Variants in ZBTB46 observed in about 807,000 individuals in gnomAD.
The protein encoded by ZBTB46 is zinc finger and BTB domain containing 46, also known as zinc finger and BTB domain-containing protein 46.
In ZBTB46, 8 loss-of-function variants were observed where a neutral mutation model predicts 44.1. The ratio of observed to expected loss-of-function variants is 0.18; its 90% CI spans 0.11 to 0.33. The LOEUF (loss-of-function observed/expected upper bound fraction) is 0.33, where lower values mean the gene tolerates loss of function less well. Among genes scored for constraint, ZBTB46 ranks in the 10% least tolerant of loss-of-function variants. The pLI, the probability that ZBTB46 is intolerant of heterozygous loss-of-function variation, is 1.00. For missense variants in ZBTB46, 651 were observed against 847.7 expected (o/e 0.77, Z 2.88); for synonymous variants, 409 against 382.3 (o/e 1.07, Z -0.81).
intron 3 of ZBTB46, among the ~76,000 whole-genome samples, chr20:63,757,464 G>A (rs1304234369): frequency 6.6e-6 from 1 of 152,082 alleles, no homozygotes; most frequent in Non-Finnish European, 1.5e-5. Flanking sequence ...CAGTCACTCA[G>A]CACCATATCT....
rs141434970 is a variant in ZBTB46 at position 63,752,746 on chromosome 20, G to A, written c.1338C>T (p.Tyr446=). The A allele has an allele frequency of 1.1e-5, 17 of 1,611,680 alleles. No individual in the cohort carries two copies. Among genetic ancestry groups the A allele is most frequent in the South Asian group, 4.4e-5 (4 of 91,068 alleles). The change falls in exon 4 of 5, where the codon TAC becomes TAT. Residue 446 remains tyrosine (Y), a synonymous_variant. Transcript: ENST00000245663. The surrounding 1 kb of genome is among the most constrained non-coding windows in gnomAD (Gnocchi z 5.6). The part of the protein sequence containing the change: ...HMRSHTGERP[Y]PCEICGKKFT... The stretch of plus-strand genomic sequence containing the variant: ...ACTTCTTCCCGCAGATCTCGCAGGG[G>A]TAGGGCCGCTCTCCCGTGTGCGAGC...
chr20:63,801,743 A>G, intron 1 of ZBTB46, among the ~76,000 whole-genome samples: 1 of 152,096 alleles, frequency 6.6e-6, no homozygotes, highest in Non-Finnish European at 1.5e-5. Context: ...CGCCGCCTTT[A>G]AGAACTGTAA....
In ZBTB46 at chr20:63,746,798, G is replaced by A. The variant is rs1439324441; in HGVS notation, c.*132C>T. ...CCCGCAGGGCTGGTTTCCGTGGGGG[G>A]TGGGTTCAGGGGGAAGCAGAGGAGG... is the stretch of plus-strand genomic sequence containing the variant. On this transcript the variant is annotated 3_prime_UTR_variant, in exon 5 of 5. Transcript: ENST00000245663. The A allele has an allele frequency of 2.2e-6, 3 of 1,342,582 alleles. No individual in the cohort carries two copies. Among genetic ancestry groups the A allele is most frequent in the African/African-American group, 3.0e-5 (2 of 65,808 alleles). The allele number at this position is 1,342,582 out of a possible 1,614,324, so 83.2% of individuals were successfully genotyped here. A position where few individuals can be genotyped will look rare whatever the true frequency, so the allele number is the denominator to read the frequency against.
At chr20:63,819,163 A>G (rs866087277) in intron 1 of ZBTB46, among the ~76,000 whole-genome samples, 18 of 152,186 alleles carry the variant, frequency 1.2e-4, no homozygotes, top group Non-Finnish European at 2.6e-4. Context: ...ACAGAGTGAG[A>G]CTCTGTCTGA....
At chr20:63,778,270 TCC>T (rs1351610207) in intron 2 of ZBTB46, among the ~76,000 whole-genome samples, 1 of 152,224 alleles carries the variant, frequency 6.6e-6, no homozygotes, top group Non-Finnish European at 1.5e-5. Context: ...AACGGATTCC[TCC>T]GAGTGTCAGC....
rs2092089076 is a variant in ZBTB46, at chr20:63,746,347, T to TA, written c.*582dup. 6.5e-6 allele frequency: 1 copy of TA among 152,906 alleles called. No homozygotes were observed. Among genetic ancestry groups the TA allele is most frequent in the African/African-American group, 2.4e-5 (1 of 41,450 alleles). The allele number at this position is 152,906 out of a possible 1,614,324, so 9.5% of individuals were successfully genotyped here. ...CAGGGTCTGCAGCTGTGTTGTGTGTTAAGCACCAAAGCCCAGAGGTAAGAC... is the reference window on the plus strand; with the variant it reads ...CAGGGTCTGCAGCTGTGTTGTGTGTTAAAGCACCAAAGCCCAGAGGTAAGAC... On this transcript the variant is annotated 3_prime_UTR_variant, in exon 5 of 5. Coordinates refer to ENST00000245663, the MANE Select transcript of ZBTB46 (RefSeq NM_001369741.1).
rs969480808 is a variant in ZBTB46 at position 63,768,261 on chromosome 20, C to T, written c.1222+7417G>A. The T allele has an allele frequency of 1.3e-5, 7 of 545,330 alleles. No homozygotes were observed. In the African/African-American group the frequency reaches 1.4e-4, roughly 11 times the overall value. 33.8% of individuals were successfully genotyped at this position (545,330 alleles called of 1,614,324 possible). On this transcript the variant is annotated intron_variant, in intron 3 of 4. Coordinates refer to ENST00000245663, the MANE Select transcript of ZBTB46 (RefSeq NM_001369741.1). ...TGGGAATAGCAATTAATTTCAAAAT[C>T]CAAAATGTGTGGTTAAGGCTGGGCA...
chr20:63,812,259 C>T (rs1318725798), intron 1 of ZBTB46, among the ~76,000 whole-genome samples: 1 of 152,232 alleles, frequency 6.6e-6, no homozygotes, highest in East Asian at 1.9e-4. Context: ...CCTGTGATCC[C>T]AGCACTTTGG....
chr20:63,800,895 T>C (rs1171667681), intron 1 of ZBTB46, among the ~76,000 whole-genome samples: 1 of 152,220 alleles, frequency 6.6e-6, no homozygotes, highest in Non-Finnish European at 1.5e-5. Flanking sequence ...TCCCATCAAC[T>C]GCCCAAGGGC....
intron 3 of ZBTB46, among the ~76,000 whole-genome samples, chr20:63,759,892 G>C (rs1209844147): frequency 6.6e-6 from 1 of 152,146 alleles, no homozygotes; most frequent in Admixed American, 6.5e-5. Context: ...ATTTATTGAG[G>C]TGATATAGCG....
rs1226406776 is a variant in ZBTB46 at position 63,789,902 on chromosome 20, C to T, written c.856G>A (p.Val286Met). The change falls in exon 2 of 5, where the codon GTG (valine) becomes ATG (methionine). Residue 286 changes from valine (V) to methionine (M), a missense_variant. Val to Met is a conservative substitution (Grantham distance 21). Coordinates refer to ENST00000245663, the MANE Select transcript of ZBTB46 (RefSeq NM_001369741.1). ...KETVRHITQQ[V>M]EDDSRASSPV... ...GAGCTGGCCCGGCTGTCATCTTCCA[C>T]CTGCTGTGTGATGTGCCGGACGGTC... is the stretch of plus-strand genomic sequence containing the variant. 1.2e-6 allele frequency: 2 copies of T among 1,613,902 alleles called. No individual in the cohort carries two copies. The highest frequency in any genetic ancestry group is 2.7e-5 in the African/African-American group (2 of 74,944).
At chr20:63,831,414 C>T (rs1401888136), upstream of ZBTB46, among the ~76,000 whole-genome samples, 1 of 143,120 alleles carries the variant, frequency 7.0e-6, no homozygotes, top group Non-Finnish European at 1.5e-5. Context: ...CGGGCCCCGC[C>T]CACGCCGGCC....
chr20:63,804,914 C>T (rs898772357), intron 1 of ZBTB46, among the ~76,000 whole-genome samples: 1 of 149,450 alleles, frequency 6.7e-6, no homozygotes, highest in African/African-American at 2.5e-5. Context: ...ACAAAAAAAA[C>T]CTACATGACT....
Position 63,803,379 on chromosome 20 carries a change from G to A in ZBTB46, c.-33-12589C>T. ...TTTCAAAATTTTTAAGTGAGCTCCT[G>A]ACTAGAAAACACTCCAAGACATGTT... On this transcript the variant is annotated intron_variant, in intron 1 of 4. Transcript: ENST00000245663. This position sits in a 1 kb window ranked among gnomAD's most constrained non-coding sequence, Gnocchi z 4.0. 2.0e-6 allele frequency: 2 copies of A among 985,454 alleles called. No homozygotes were observed. Among genetic ancestry groups the A allele is most frequent in the South Asian group, 4.7e-5 (1 of 21,288 alleles). 61.0% of individuals were successfully genotyped at this position (985,454 alleles called of 1,614,324 possible).
chr20:63,766,019 CT>C (rs1395511184), intron 3 of ZBTB46, among the ~76,000 whole-genome samples: 1 of 151,996 alleles, frequency 6.6e-6, no homozygotes, highest in Admixed American at 6.6e-5. Flanking sequence ...GCTGCCCACC[CT>C]GGAGAGCAAA....
At chr20:63,791,814 C>G (rs1444653938) in intron 1 of ZBTB46, among the ~76,000 whole-genome samples, 1 of 152,188 alleles carries the variant, frequency 6.6e-6, no homozygotes, top group African/African-American at 2.4e-5. Context: ...TTGGGTACAC[C>G]CCGTCCCGGA....
At chr20:63,789,140 A>G (rs1194006290) in intron 2 of ZBTB46, among the ~76,000 whole-genome samples, 3 of 151,376 alleles carry the variant, frequency 2.0e-5, no homozygotes, top group Admixed American at 6.6e-5. Flanking sequence ...AAAAAAAAAG[A>G]AAAAGAGAAA....
At chr20:63,823,867 T>TGTGTGTGTGTGTGTGTGTGTGC (rs2092805969) in intron 1 of ZBTB46, among the ~76,000 whole-genome samples, 1 of 151,434 alleles carries the variant, frequency 6.6e-6, no homozygotes, top group African/African-American at 2.4e-5. Flanking sequence ...CTTGTGTGTG[T>TGTGTGTGTGTGTGTGTGTGTGC]GTGTGTGTGT....
At chr20:63,775,384 G>C (rs1049304256) in intron 3 of ZBTB46, 2 of 335,696 alleles carry the variant, frequency 6.0e-6, no homozygotes, top group Non-Finnish European at 1.1e-5. Context: ...GGACGAGCTC[G>C]CATTCAGCCA....
Sources: gnomAD v4.1 joint callset for allele counts (sites outside exome capture counted in the v4.1 genomes callset) on GRCh38, gnomAD v4.1.1 for gene constraint, Gnocchi (gnomAD v3.1) non-coding constraint, MANE v1.5 for transcripts, NCBI Gene and HGNC (gene_info 2026-07-23, HGNC 2026-07-21) for gene names.